PKNOX2: variants seen among roughly 807,000 people sequenced by gnomAD.
PKNOX2 encodes homeobox protein PKNOX2.
A neutral mutation model predicts 53.1 loss-of-function variants in PKNOX2; 14 were observed. That is an observed-to-expected ratio of 0.26 (90% CI 0.17 to 0.41). The LOEUF (loss-of-function observed/expected upper bound fraction) is 0.41, where lower values mean the gene tolerates loss of function less well. Among genes scored for constraint, PKNOX2 ranks in the 10% least tolerant of loss-of-function variants. The pLI, the probability that PKNOX2 is intolerant of heterozygous loss-of-function variation, is 1.00. For missense variants in PKNOX2, 496 were observed against 602.8 expected (o/e 0.82, Z 1.85); for synonymous variants, 257 against 242.8 (o/e 1.06, Z -0.54).
Position 125,415,986 on chromosome 11 carries a change from T to C in PKNOX2, c.936+4121T>C, listed in dbSNP as rs138591226. ...CATAAACCTCTCCTATACTGTAACA[T>C]CTATAAATTCCACCTCAATAGAAAG... On this transcript the variant is annotated intron_variant, in intron 10 of 12. Transcript: ENST00000298282. Among the ~76,000 whole-genome samples the C allele has an allele frequency of 6.2e-3, 945 of 152,270 alleles. 6 individuals carry two copies. Among genetic ancestry groups the C allele is most frequent in the African/African-American group, 0.022 (903 of 41,552 alleles).
intron 3 of PKNOX2, among the ~76,000 whole-genome samples, chr11:125,340,780 G>A (rs542547917): frequency 5.9e-5 from 9 of 152,088 alleles, no homozygotes; most frequent in South Asian, 4.2e-4. Context: ...GGCCAGGCGC[G>A]GTGGCTCACG....
chr11:125,389,196 A>AGAACAAACAAACAAAC (rs144093832), intron 6 of PKNOX2, among the ~76,000 whole-genome samples: 116 of 151,486 alleles, frequency 7.7e-4, no homozygotes, highest in African/African-American at 2.7e-3. Context: ...CTCCATTTCA[A>AGAACAAACAAACAAAC]AAACAAACAA....
intron 2 of PKNOX2, among the ~76,000 whole-genome samples, chr11:125,277,941 G>T (rs1336702514): frequency 6.6e-6 from 1 of 152,080 alleles, no homozygotes; most frequent in South Asian, 2.1e-4. Flanking sequence ...GACTAGCTGG[G>T]TGTAGTTGCT....
chr11:125,284,467 A>G (rs570637773), intron 2 of PKNOX2, among the ~76,000 whole-genome samples: 1 of 152,358 alleles, frequency 6.6e-6, no homozygotes, highest in South Asian at 2.1e-4. Context: ...GCATCGCCAG[A>G]GAACCAACTT....
chr11:125,232,115 G>A (rs985010786), intron 1 of PKNOX2, among the ~76,000 whole-genome samples: 2 of 152,202 alleles, frequency 1.3e-5, no homozygotes, highest in Non-Finnish European at 2.9e-5. Flanking sequence ...TCTAAAGTTA[G>A]TCCTAATCCT....
At chr11:125,184,546 C>A (rs1956338618) in intron 1 of PKNOX2, among the ~76,000 whole-genome samples, 1 of 152,176 alleles carries the variant, frequency 6.6e-6, no homozygotes, top group Admixed American at 6.5e-5. Flanking sequence ...TGAGCAAAGA[C>A]CCTACTGTGT....
intron 3 of PKNOX2, among the ~76,000 whole-genome samples, chr11:125,350,250 C>G (rs903183414): frequency 2.2e-4 from 34 of 152,184 alleles, no homozygotes; most frequent in African/African-American, 5.6e-4. Context: ...GTGGCACAGC[C>G]GGGCTGTCTC....
chr11:125,176,975 G>T (rs764191380), intron 1 of PKNOX2, among the ~76,000 whole-genome samples: 3 of 152,214 alleles, frequency 2.0e-5, no homozygotes, highest in Admixed American at 6.5e-5. Flanking sequence ...TACAGCCCCA[G>T]TTAGGGTCCT....
chr11:125,425,950 C>T, intron 10 of PKNOX2, among the ~76,000 whole-genome samples: 1 of 152,208 alleles, frequency 6.6e-6, no homozygotes, highest in Non-Finnish European at 1.5e-5. Flanking sequence ...TGAGGACTTG[C>T]ACCAGGCGGT....
intron 1 of PKNOX2, among the ~76,000 whole-genome samples, chr11:125,218,632 T>G (rs893329962): frequency 2.6e-5 from 4 of 151,970 alleles, no homozygotes; most frequent in Admixed American, 6.6e-5. Context: ...AGCTAGTGCA[T>G]GTATTTAGAT....
At chr11:125,276,089 A>G (rs545260698) in intron 2 of PKNOX2, among the ~76,000 whole-genome samples, 66 of 152,182 alleles carry the variant, frequency 4.3e-4, no homozygotes, top group Non-Finnish European at 7.9e-4. Flanking sequence ...GTTTTTTGAG[A>G]TCAGCAATTG....
chr11:125,383,962 A>T (rs1565512237), intron 5 of PKNOX2, among the ~76,000 whole-genome samples: 1 of 152,110 alleles, frequency 6.6e-6, no homozygotes. Context: ...ACAAAACAAA[A>T]CAAAAACCTA....
At chr11:125,262,063 A>G (rs778285967) in intron 2 of PKNOX2, among the ~76,000 whole-genome samples, 14 of 152,090 alleles carry the variant, frequency 9.2e-5, no homozygotes, top group Admixed American at 3.3e-4. Flanking sequence ...GGGGAAGAGC[A>G]CTAAGAAGGG....
intron 2 of PKNOX2, chr11:125,277,419 A>T (rs1179113124): frequency 1.3e-5 from 2 of 152,232 alleles, no homozygotes; most frequent in Non-Finnish European, 2.9e-5. Context: ...ATGAGGGGGA[A>T]TGTCCAGGAG....
chr11:125,333,960 C>A (rs1023924782), intron 3 of PKNOX2, among the ~76,000 whole-genome samples: 2 of 152,024 alleles, frequency 1.3e-5, no homozygotes, highest in African/African-American at 4.8e-5. Flanking sequence ...AACGACAAAC[C>A]CTAACTGACA....
chr11:125,255,743 T>TA (rs1277441407), intron 2 of PKNOX2, among the ~76,000 whole-genome samples: 1 of 152,050 alleles, frequency 6.6e-6, no homozygotes, highest in Non-Finnish European at 1.5e-5. Context: ...GGACGGGCTT[T>TA]GTTCACTTCT....
chr11:125,207,655 T>C (rs903420802), intron 1 of PKNOX2, among the ~76,000 whole-genome samples: 2 of 152,010 alleles, frequency 1.3e-5, no homozygotes, highest in African/African-American at 4.8e-5. Flanking sequence ...AAGAGAGTAT[T>C]CCTTCGCTTG....
Position 125,165,106 on chromosome 11 carries a change from C to A in PKNOX2, c.-201+330C>A, listed in dbSNP as rs1348984090. On this transcript the variant is annotated intron_variant, in intron 1 of 12. Transcript: ENST00000298282. The surrounding 1 kb of genome is among the most constrained non-coding windows in gnomAD (Gnocchi z 4.5). ...GGCCGGGCACGGAGGCTGCGAGAGC[C>A]CCGCGGGCCGCCCGCTCCCCTGCCC... Among the ~76,000 whole-genome samples the A allele has an allele frequency of 2.0e-5, 3 of 148,474 alleles. No individual in the cohort carries two copies. The East Asian group carries it at 5.9e-4, about 29-fold the overall frequency.
At chr11:125,376,468 C>A (rs1952848881) in intron 5 of PKNOX2, among the ~76,000 whole-genome samples, 1 of 152,152 alleles carries the variant, frequency 6.6e-6, no homozygotes, top group African/African-American at 2.4e-5. Context: ...TACTCCCTCC[C>A]CTCCCTCTAA....
Sources: gnomAD v4.1 joint callset for allele counts (sites outside exome capture counted in the v4.1 genomes callset) on GRCh38, gnomAD v4.1.1 for gene constraint, Gnocchi (gnomAD v3.1) non-coding constraint, MANE v1.5 for transcripts, NCBI Gene and HGNC (gene_info 2026-07-23, HGNC 2026-07-21) for gene names.